The following NDUFA8 variants were observed in gnomAD, a reference collection of about 807,000 sequenced individuals.
The protein encoded by NDUFA8 is NADH:ubiquinone oxidoreductase subunit A8.
In NDUFA8, 16 loss-of-function variants were observed where a neutral mutation model predicts 20.9. The ratio of observed to expected loss-of-function variants is 0.77; its 90% CI spans 0.52 to 1.16. NDUFA8 has a LOEUF of 1.16. Among genes scored for constraint, NDUFA8 ranks in the 50% most tolerant of loss-of-function variants. The pLI is 0.00. For synonymous variants in NDUFA8, 70 were observed against 76.1 expected (o/e 0.92, Z 0.41); for missense variants, 202 against 216.4 (o/e 0.93, Z 0.42).
chr9:122,132,910 T>A, the NDUFA8 span: 1 of 455,806 alleles, frequency 2.2e-6, no homozygotes, highest in Non-Finnish European at 4.4e-6. Context: ...AGGGCTTGAG[T>A]TTCTTCACCA....
In NDUFA8 at chr9:122,158,793, A is replaced by T. The variant is rs573396043; in HGVS notation, c.51+834T>A. On this transcript the variant is annotated intron_variant, in intron 1 of 3. Transcript: ENST00000373768. ...ACACACCAATTGTGTGTGTGTATATATATGTGTATGTGTGTGTATATATAT... is the reference window on the plus strand; with the variant it reads ...ACACACCAATTGTGTGTGTGTATATTTATGTGTATGTGTGTGTATATATAT... 3.5e-5 allele frequency among the ~76,000 whole-genome samples: 5 copies of T among 143,224 alleles called. No individual in the cohort carries two copies. In the South Asian group the frequency reaches 1.0e-3, roughly 30 times the overall value. The allele number at this position is 143,224 out of a possible 152,430, so 94.0% of individuals were successfully genotyped here. A position where few individuals can be genotyped will look rare whatever the true frequency, so the allele number is the denominator to read the frequency against.
the NDUFA8 span, among the ~76,000 whole-genome samples, chr9:122,135,377 G>A: frequency 3.9e-5 from 6 of 152,256 alleles, no homozygotes; most frequent in African/African-American, 7.2e-5. Flanking sequence ...AAGTCTGACA[G>A]AAGACTCAAC....
At chr9:122,138,590 C>G in the NDUFA8 span, among the ~76,000 whole-genome samples, 2 of 152,168 alleles carry the variant, frequency 1.3e-5, no homozygotes, top group African/African-American at 2.4e-5. Context: ...CTAGGCTACT[C>G]TCTTTTGCAG....
downstream of NDUFA8, among the ~76,000 whole-genome samples, chr9:122,139,159 T>C (rs1203541230): frequency 6.6e-6 from 1 of 152,214 alleles, no homozygotes; most frequent in African/African-American, 2.4e-5. Context: ...GAGTTTCCTC[T>C]CTGTTCCTGA....
chr9:122,155,362 G>C (rs1424295249), intron 1 of NDUFA8, among the ~76,000 whole-genome samples: 1 of 152,168 alleles, frequency 6.6e-6, no homozygotes, highest in Admixed American at 6.5e-5. Context: ...TATAGGCGTG[G>C]GCCACCACGC....
At chr9:122,142,909 A>T (rs2118690863), downstream of NDUFA8, among the ~76,000 whole-genome samples, 1 of 152,256 alleles carries the variant, frequency 6.6e-6, no homozygotes, top group South Asian at 2.1e-4. Flanking sequence ...GTTTTGCCTC[A>T]GCTATTGAAA....
Position 122,159,721 on chromosome 9 carries a change from C to G in NDUFA8, c.-44G>C, listed in dbSNP as rs1262785415. 2 of 1,613,688 alleles carry G rather than the reference C, an allele frequency of 1.2e-6. No individual in the cohort carries two copies. The highest frequency in any genetic ancestry group is 2.2e-5 in the East Asian group (1 of 44,888). ...CCCGACGAGAAGCCCTCAGCCGCGTCGCCCCCGTCTCCTTGAACTCCCCTT... is the reference window on the plus strand; with the variant it reads ...CCCGACGAGAAGCCCTCAGCCGCGTGGCCCCCGTCTCCTTGAACTCCCCTT... On this transcript the variant is annotated 5_prime_UTR_variant, in exon 1 of 4. Coordinates refer to ENST00000373768, the MANE Select transcript of NDUFA8 (RefSeq NM_014222.3).
the NDUFA8 span, among the ~76,000 whole-genome samples, chr9:122,133,733 T>C: frequency 6.6e-6 from 1 of 152,142 alleles, no homozygotes; most frequent in Non-Finnish European, 1.5e-5. Flanking sequence ...TTGGCCAGGC[T>C]CCCATCTCCA....
downstream of NDUFA8, among the ~76,000 whole-genome samples, chr9:122,140,792 C>T (rs980182795): frequency 6.6e-6 from 1 of 152,200 alleles, no homozygotes; most frequent in African/African-American, 2.4e-5. Context: ...AAGGCAGGTA[C>T]TATTACTGTC....
intron 1 of NDUFA8, 90 bp downstream of exon 1, chr9:122,159,537 C>G: frequency 6.5e-7 from 1 of 1,531,536 alleles, no homozygotes; most frequent in Non-Finnish European, 9.1e-7. Flanking sequence ...GGCCCGGGTC[C>G]CAGGATCCGC....
downstream of NDUFA8, chr9:122,144,035 T>TA: frequency 7.1e-7 from 1 of 1,413,442 alleles, no homozygotes; most frequent in Non-Finnish European, 9.2e-7. Context: ...AAAGGTCACA[T>TA]AAAACATAAT....
chr9:122,158,777 TTG>T (rs1327675198), intron 1 of NDUFA8, among the ~76,000 whole-genome samples: 1 of 146,792 alleles, frequency 6.8e-6, no homozygotes, highest in Admixed American at 6.7e-5. Flanking sequence ...TACACACCAA[TTG>T]TGTGTGTGTA....
chr9:122,137,557 G>A, the NDUFA8 span, among the ~76,000 whole-genome samples: 1 of 152,144 alleles, frequency 6.6e-6, no homozygotes, highest in Non-Finnish European at 1.5e-5. Context: ...TTTCTAATGA[G>A]GGAAGTGGTT....
the NDUFA8 span, among the ~76,000 whole-genome samples, chr9:122,133,340 C>T: frequency 6.6e-6 from 1 of 152,164 alleles, no homozygotes; most frequent in African/African-American, 2.4e-5. Context: ...CCTCCTTATC[C>T]AGGCAGGAAA....
At chr9:122,132,983 G>C in the NDUFA8 span, 1 of 455,844 alleles carries the variant, frequency 2.2e-6, no homozygotes, top group Non-Finnish European at 4.4e-6. Context: ...CCCTAGCGAG[G>C]GAAAAGGCAC....
Position 122,159,637 on chromosome 9 carries a change from T to C in NDUFA8, c.41A>G (p.Lys14Arg), listed in dbSNP as rs1829149288. The change falls in exon 1 of 4, where the codon AAA (lysine) becomes AGA (arginine). Residue 14 changes from lysine (K) to arginine (R), a missense_variant. Lys to Arg is a conservative substitution (Grantham distance 26). Coordinates refer to ENST00000373768, the MANE Select transcript of NDUFA8 (RefSeq NM_014222.3). ...IVELPTLEEL[K>R]VDEVKISSAV... Reference sequence around the variant, plus strand: ...TCCGGATAGCCTCACCTCATCTACTTTCAGCTCCTCTAGAGTGGGCAGCTC... The same window carrying C: ...TCCGGATAGCCTCACCTCATCTACTCTCAGCTCCTCTAGAGTGGGCAGCTC... 1.2e-6 allele frequency: 2 copies of C among 1,613,992 alleles called. No individual in the cohort carries two copies. The highest frequency in any genetic ancestry group is 1.7e-6 in the Non-Finnish European group (2 of 1,179,992).
chr9:122,135,982 C>T, the NDUFA8 span, among the ~76,000 whole-genome samples: 2 of 152,338 alleles, frequency 1.3e-5, no homozygotes, highest in African/African-American at 4.8e-5. Flanking sequence ...GTAAATAGAA[C>T]AGTAAACAAA....
the NDUFA8 span, among the ~76,000 whole-genome samples, chr9:122,134,699 G>A: frequency 6.6e-6 from 1 of 152,132 alleles, no homozygotes; most frequent in African/African-American, 2.4e-5. Context: ...AGAAGTCTAG[G>A]CTCAATCCTA....
chr9:122,139,309 T>C (rs1407232799), downstream of NDUFA8, among the ~76,000 whole-genome samples: 3 of 152,000 alleles, frequency 2.0e-5, no homozygotes, highest in Non-Finnish European at 4.4e-5. Flanking sequence ...CTGCGCTTGC[T>C]CTGAGAGTCC....
Sources: gnomAD v4.1 joint callset for allele counts (sites outside exome capture counted in the v4.1 genomes callset) on GRCh38, gnomAD v4.1.1 for gene constraint, MANE v1.5 for transcripts, NCBI Gene and HGNC (gene_info 2026-07-23, HGNC 2026-07-21) for gene names.